The following VPS4B variants were observed in gnomAD, a reference collection of about 807,000 sequenced individuals.
The protein encoded by VPS4B is vacuolar protein sorting 4 homolog B, also known as vacuolar protein sorting-associated protein 4B.
A neutral mutation model predicts 56.1 loss-of-function variants in VPS4B; 23 were observed. The ratio of observed to expected loss-of-function variants is 0.41; its 90% CI spans 0.30 to 0.58. VPS4B has a LOEUF of 0.58. Ranked by LOEUF, VPS4B falls within the 20% of genes least tolerant of loss-of-function variation. VPS4B has a pLI of 0.29. For synonymous variants in VPS4B, 177 were observed against 186.0 expected (o/e 0.95, Z 0.39); for missense variants, 372 against 531.9 (o/e 0.70, Z 2.96).
At chr18:63,419,192 G>A (rs536610236) in intron 1 of VPS4B, among the ~76,000 whole-genome samples, 102 of 152,304 alleles carry the variant, frequency 6.7e-4, no homozygotes, top group Admixed American at 1.1e-3. Context: ...GGAGGCCAAC[G>A]GGGGTGGATC....
At chr18:63,411,268 A>G (rs1435776376) in intron 2 of VPS4B, among the ~76,000 whole-genome samples, 199 bp downstream of exon 2, 1 of 152,250 alleles carries the variant, frequency 6.6e-6, no homozygotes, top group African/African-American at 2.4e-5. Context: ...ACATATACAA[A>G]GTAATAACTA....
chr18:63,412,239 A>G (rs960491768), intron 1 of VPS4B, among the ~76,000 whole-genome samples: 1 of 152,226 alleles, frequency 6.6e-6, no homozygotes, highest in Non-Finnish European at 1.5e-5. Flanking sequence ...AATAATATGG[A>G]AAGTGTTAAT....
Position 63,393,544 on chromosome 18 carries a change from G to A in VPS4B, c.1098C>T (p.Arg366=), listed in dbSNP as rs151311935. The A allele has an allele frequency of 7.6e-6, 12 of 1,577,088 alleles. No individual in the cohort carries two copies. Among genetic ancestry groups the A allele is most frequent in the Admixed American group, 5.6e-5 (3 of 53,462 alleles). The part of the protein sequence containing the change: ...VQSATHFKKV[R]GPSRADPNHL... ...GGTTAGGATCAGCTCGGGAAGGTCC[G>A]CGAACCTGAAATAAACAGTAATCTG... Residue 366 remains arginine, a synonymous_variant, in exon 10 of 11, where the codon CGC becomes CGT. Transcript: ENST00000238497.
rs182163444 is a variant in VPS4B at position 63,417,592 on chromosome 18, C to A, written c.27+4641G>T. Among the ~76,000 whole-genome samples the A allele has an allele frequency of 1.2e-3, 181 of 152,084 alleles. 2 individuals carry two copies. The highest frequency in any genetic ancestry group is 7.5e-3 in the South Asian group (36 of 4,812). On this transcript the variant is annotated intron_variant, in intron 1 of 10. Transcript: ENST00000238497. ...TGGGACTCATTTCTCTCTGTTTCCT[C>A]CCCCCCTACATCAGTGACTTAAGGC...
chr18:63,401,405 C>G (rs1023308622), intron 5 of VPS4B, among the ~76,000 whole-genome samples: 1 of 152,072 alleles, frequency 6.6e-6, no homozygotes, highest in Non-Finnish European at 1.5e-5. Flanking sequence ...TAGGTGCCCG[C>G]CATTACGCCT....
At chr18:63,403,217 A>T (rs1342157375) in intron 5 of VPS4B, among the ~76,000 whole-genome samples, 1 of 152,230 alleles carries the variant, frequency 6.6e-6, no homozygotes, top group African/African-American at 2.4e-5. Flanking sequence ...CCATTGCAAA[A>T]ATTCAGATGA....
Position 63,398,225 on chromosome 18 carries a change from T to TATA in VPS4B, c.873-973_873-972insTAT, listed in dbSNP as rs1568084680. Among the ~76,000 whole-genome samples, 298 of 55,010 alleles carry TATA rather than the reference T, an allele frequency of 5.4e-3. 2 individuals are homozygous for TATA. Among genetic ancestry groups the TATA allele is most frequent in the African/African-American group, 0.012 (250 of 21,008 alleles). The allele number at this position is 55,010 out of a possible 152,430, so 36.1% of individuals were successfully genotyped here. A position where few individuals can be genotyped will look rare whatever the true frequency, so the allele number is the denominator to read the frequency against. On this transcript the variant is annotated intron_variant, in intron 8 of 10. Coordinates refer to ENST00000238497, the MANE Select transcript of VPS4B (RefSeq NM_004869.4). ...CACACATATATATATATATATATAT[T>TATA]TTTTTTTGAGATGGAGTCTCACTCT...
chr18:63,422,454 C>T lies in VPS4B; in HGVS notation c.-195G>A. ...CAGAGCTCCGACCCTCCCCACCAAA[C>T]TTCCGCAATCCCGAGGCCCTCTAGG... On this transcript the variant is annotated 5_prime_UTR_variant, in exon 1 of 11. Coordinates refer to ENST00000238497, the MANE Select transcript of VPS4B (RefSeq NM_004869.4). 2.3e-6 allele frequency: 1 copy of T among 428,604 alleles called. No individual in the cohort carries two copies. Among genetic ancestry groups the T allele is most frequent in the Non-Finnish European group, 4.0e-6 (1 of 248,208 alleles). The allele number at this position is 428,604 out of a possible 1,614,324, so 26.6% of individuals were successfully genotyped here.
intron 9 of VPS4B, 65 bp from the exon 10 acceptor site, chr18:63,393,614 T>C: frequency 5.2e-6 from 7 of 1,351,242 alleles, no homozygotes; most frequent in Non-Finnish European, 6.8e-6. Context: ...CTTAATCCAT[T>C]ACCAGGAAAG....
intron 3 of VPS4B, among the ~76,000 whole-genome samples, chr18:63,409,086 T>TA (rs1915977238): frequency 6.6e-6 from 1 of 152,262 alleles, no homozygotes; most frequent in African/African-American, 2.4e-5. Flanking sequence ...CAGTAATTTG[T>TA]AAGATCAGAC....
At chr18:63,413,660 T>TA (rs1034912969) in intron 1 of VPS4B, among the ~76,000 whole-genome samples, 30 of 149,920 alleles carry the variant, frequency 2.0e-4, no homozygotes, top group Admixed American at 3.3e-4. Flanking sequence ...TAGGTGCCAG[T>TA]AAAAAAAAAT....
intron 4 of VPS4B, among the ~76,000 whole-genome samples, chr18:63,406,961 CAATT>C (rs1396116899): frequency 6.6e-6 from 1 of 152,122 alleles, no homozygotes; most frequent in Non-Finnish European, 1.5e-5. Flanking sequence ...AAAGCTTAAA[CAATT>C]AAATGTAAAC....
chr18:63,396,987 CAA>C (rs35538536), intron 9 of VPS4B, 45 bp downstream of exon 9: 15,026 of 1,276,208 alleles, frequency 0.012, no homozygotes, highest in South Asian at 0.013. Flanking sequence ...GAGACTGTCT[CAA>C]AAAAAAAAAA....
At chr18:63,396,962 C>T (rs531474105) in intron 9 of VPS4B, 72 bp downstream of exon 9, 8 of 1,484,774 alleles carry the variant, frequency 5.4e-6, no homozygotes, top group Non-Finnish European at 7.4e-6. Context: ...TGCACTCCAG[C>T]CTGGGCAACA....
At chr18:63,394,161 T>A (rs1915618541) in intron 9 of VPS4B, among the ~76,000 whole-genome samples, 1 of 152,154 alleles carries the variant, frequency 6.6e-6, no homozygotes, top group Non-Finnish European at 1.5e-5. Context: ...CTTTTTCCCC[T>A]CTAGTGCTTA....
At chr18:63,393,600 A>G in intron 9 of VPS4B, 51 bp from the exon 10 acceptor site, 1 of 1,463,152 alleles carries the variant, frequency 6.8e-7, no homozygotes, top group South Asian at 1.5e-5. Context: ...ATTGAACATT[A>G]AGACTTAATC....
intron 3 of VPS4B, among the ~76,000 whole-genome samples, chr18:63,409,431 C>T (rs1160892306): frequency 6.6e-6 from 1 of 152,190 alleles, no homozygotes; most frequent in Admixed American, 6.5e-5. Context: ...ACCACATCCT[C>T]TAAAGCTGAG....
rs1344231802 is a variant in VPS4B, at chr18:63,410,455, G to T, written c.140-9C>A. 9.9e-6 allele frequency: 16 copies of T among 1,609,464 alleles called. No individual in the cohort carries two copies. The highest frequency in any genetic ancestry group is 1.3e-5 in the African/African-American group (1 of 74,626). On this transcript the variant is annotated splice_polypyrimidine_tract_variant and intron_variant, in intron 2 of 10. Transcript: ENST00000238497. ...ATCACCCTGTGCTTCATCTATTAAA[G>T]GGAAATGAGAGAGATTTTTTTCCAT... is the stretch of plus-strand genomic sequence containing the variant.
At position 63,394,900 on chromosome 18, in the gene VPS4B, C is replaced by G. The variant is rs116697367; in HGVS notation, c.1093-1351G>C. Among the ~76,000 whole-genome samples the G allele has an allele frequency of 7.3e-3, 1,105 of 152,266 alleles. 11 individuals carry two copies. Among genetic ancestry groups the G allele is most frequent in the African/African-American group, 0.026 (1,063 of 41,542 alleles). Reference sequence around the variant, plus strand: ...CTGTCTTTACTCACTAATATTTTAGCTGCATGAGGTCAGGGATTTTTGTCT... The same window carrying G: ...CTGTCTTTACTCACTAATATTTTAGGTGCATGAGGTCAGGGATTTTTGTCT... On this transcript the variant is annotated intron_variant, in intron 9 of 10. Transcript: ENST00000238497.
Sources: gnomAD v4.1 joint callset for allele counts (sites outside exome capture counted in the v4.1 genomes callset) on GRCh38, gnomAD v4.1.1 for gene constraint, MANE v1.5 for transcripts, NCBI Gene and HGNC (gene_info 2026-07-23, HGNC 2026-07-21) for gene names.